CALM2: variants seen among roughly 807,000 people sequenced by gnomAD.
The protein encoded by CALM2 is calmodulin 2, also known as calmodulin-2.
CALM2 carries 2 observed loss-of-function variants against 19.8 expected under a neutral mutation model. The ratio of observed to expected loss-of-function variants is 0.10; its 90% CI spans 0.04 to 0.32. CALM2 has a LOEUF of 0.32. CALM2 is among the 10% of genes least tolerant of loss of function. The pLI is 1.00. For missense variants in CALM2, 38 were observed against 178.7 expected (o/e 0.21, Z 4.49); for synonymous variants, 51 against 52.1 (o/e 0.98, Z 0.09).
chr2:47,176,417 C>T, intron 1 of CALM2, 24 bp downstream of exon 1: 1 of 1,612,762 alleles, frequency 6.2e-7, no homozygotes, highest in Non-Finnish European at 8.5e-7. Flanking sequence ...AGGCCCAGCG[C>T]CGGCAGCTCA....
chr2:47,176,572 GCAT>G, upstream of CALM2: 2 of 1,549,250 alleles, frequency 1.3e-6, no homozygotes, highest in Non-Finnish European at 1.7e-6. Context: ...TCCCTCCGCC[GCAT>G]CCAGATAACG....
At chr2:47,165,837 C>G (rs762045026) in intron 2 of CALM2, among the ~76,000 whole-genome samples, 1 of 152,154 alleles carries the variant, frequency 6.6e-6, no homozygotes, top group Non-Finnish European at 1.5e-5. Context: ...AGCAAAAGCC[C>G]AAGAGCCACT....
intron 2 of CALM2, among the ~76,000 whole-genome samples, chr2:47,169,514 CAAA>C (rs568225455): frequency 6.8e-6 from 1 of 147,458 alleles, no homozygotes; most frequent in Non-Finnish European, 1.5e-5. Flanking sequence ...TGTAACTCAA[CAAA>C]AAAAAAATTA....
At chr2:47,170,469 C>T (rs1361272157) in intron 2 of CALM2, among the ~76,000 whole-genome samples, 1 of 152,180 alleles carries the variant, frequency 6.6e-6, no homozygotes, top group Non-Finnish European at 1.5e-5. Context: ...ACAAAGACCA[C>T]CACTACACCA....
intron 2 of CALM2, chr2:47,163,457 A>C (rs1666324061): frequency 6.8e-6 from 1 of 147,700 alleles, no homozygotes; most frequent in African/African-American, 2.5e-5. Flanking sequence ...TTTGAGATGG[A>C]CTTTCGCTCT....
intron 5 of CALM2, 152 bp downstream of exon 5, chr2:47,161,571 A>G (rs976129290): frequency 1.6e-6 from 1 of 629,990 alleles, no homozygotes; most frequent in Non-Finnish European, 2.7e-6. Flanking sequence ...TCTGCAGACA[A>G]CACTCTGAAT....
intron 1 of CALM2, chr2:47,173,854 G>A (rs561010173): frequency 1.3e-5 from 2 of 152,236 alleles, no homozygotes; most frequent in African/African-American, 4.8e-5. Flanking sequence ...TTTCATTAGG[G>A]TAAAAAGACA....
intron 1 of CALM2, chr2:47,171,981 T>C (rs1464285602): frequency 2.1e-5 from 1 of 47,560 alleles, no homozygotes; most frequent in Non-Finnish European, 3.6e-5. Flanking sequence ...ATCAAATTCA[T>C]TAAAAAAAAA....
In CALM2 at chr2:47,170,715, C is replaced by A. The variant is rs1666638192; in HGVS notation, c.34+19G>T. ...ATAATAAGAATCTAATGGGTACAAT[C>A]TAGCTGAGTATTTCTCACCTGCAAT... On this transcript the variant is annotated intron_variant, in intron 2 of 5. Transcript: ENST00000272298. The A allele has an allele frequency of 6.3e-7, 1 of 1,597,900 alleles. No homozygotes were observed. Among genetic ancestry groups the A allele is most frequent in the African/African-American group, 1.3e-5 (1 of 74,702 alleles).
At chr2:47,176,927 C>A, upstream of CALM2, 13 of 985,452 alleles carry the variant, frequency 1.3e-5, no homozygotes, top group Non-Finnish European at 1.6e-5. Context: ...GCCGCGCTGT[C>A]CTGGCAACTG....
At chr2:47,166,804 A>C (rs933717122) in intron 2 of CALM2, among the ~76,000 whole-genome samples, 1 of 152,188 alleles carries the variant, frequency 6.6e-6, no homozygotes, top group African/African-American at 2.4e-5. Context: ...GTCAAAACCT[A>C]AACACACAAT....
intron 2 of CALM2, among the ~76,000 whole-genome samples, chr2:47,169,721 T>C (rs1666606582): frequency 6.6e-6 from 1 of 152,168 alleles, no homozygotes; most frequent in East Asian, 1.9e-4. Context: ...GTAATTCTGG[T>C]ATCCCCCAAA....
intron 1 of CALM2, chr2:47,172,575 T>G (rs986352854): frequency 5.8e-6 from 4 of 686,810 alleles, no homozygotes; most frequent in Middle Eastern, 1.2e-3. Context: ...ATGGCATTTA[T>G]TAAGCCCTTT....
At chr2:47,176,406 C>G (rs1187879779) in intron 1 of CALM2, 35 bp downstream of exon 1, 1 of 1,611,766 alleles carries the variant, frequency 6.2e-7, no homozygotes, top group Non-Finnish European at 8.5e-7. Flanking sequence ...CTTCCCCCCA[C>G]AGGCCCAGCG....
At chr2:47,167,252 T>A (rs1393853162) in intron 2 of CALM2, among the ~76,000 whole-genome samples, 2 of 152,130 alleles carry the variant, frequency 1.3e-5, no homozygotes, top group Non-Finnish European at 2.9e-5. Context: ...GGTACAGACT[T>A]CTTAAGGAAA....
intron 1 of CALM2, among the ~76,000 whole-genome samples, chr2:47,175,097 T>TTCC (rs1553433905): frequency 7.9e-6 from 1 of 126,630 alleles, no homozygotes; most frequent in African/African-American, 3.9e-5. Flanking sequence ...TTTTTTTTTT[T>TTCC]TCAGGAAAGA....
intron 2 of CALM2, among the ~76,000 whole-genome samples, chr2:47,168,632 C>A (rs1021288323): frequency 1.3e-5 from 2 of 152,058 alleles, no homozygotes; most frequent in Non-Finnish European, 2.9e-5. Flanking sequence ...ACTCGGGAGA[C>A]TGAAGCAGAA....
rs141679078 is a variant in CALM2 at position 47,170,797 on chromosome 2, T to C, written c.4-33A>G. On this transcript the variant is annotated intron_variant, in intron 1 of 5. Transcript: ENST00000272298. ...GAGATCAAAGAGGAAGGTTAGTGAC[T>C]TGAGAGTATGTAGATTAGCAGTTAC... The C allele has an allele frequency of 5.2e-4, 833 of 1,591,862 alleles. 4 individuals are homozygous for C. Among genetic ancestry groups the C allele is most frequent in the Middle Eastern group, 4.0e-3 (24 of 6,032 alleles).
chr2:47,176,353 A>G, intron 1 of CALM2, 88 bp downstream of exon 1: 1 of 1,515,906 alleles, frequency 6.6e-7, no homozygotes, highest in Non-Finnish European at 9.0e-7. Context: ...TTGAAGGTGT[A>G]AGGGAGGCGA....
Sources: allele counts gnomAD v4.1 joint callset (sites outside exome capture counted in the v4.1 genomes callset), GRCh38; gene constraint gnomAD v4.1.1; transcripts MANE v1.5; gene names NCBI Gene and HGNC (gene_info 2026-07-23, HGNC 2026-07-21).